The following ADAMTSL1 variants were observed in gnomAD, a reference collection of about 807,000 sequenced individuals.
The protein encoded by ADAMTSL1 is ADAMTS-like protein 1.
Under a neutral mutation model 201.8 loss-of-function variants are expected in ADAMTSL1, and 126 were observed. The ratio of observed to expected loss-of-function variants is 0.62; its 90% CI spans 0.54 to 0.72. The LOEUF is 0.72. ADAMTSL1 is among the 30% of genes least tolerant of loss of function. The pLI, the probability that ADAMTSL1 is intolerant of heterozygous loss-of-function variation, is 0.00. For synonymous variants in ADAMTSL1, 1,121 were observed against 903.4 expected (o/e 1.24, Z -4.32); for missense variants, 2,679 against 2,277.8 (o/e 1.18, Z -3.59).
At position 18,410,097 on chromosome 9, in the gene ADAMTSL1, C is replaced by A. The variant is rs144324485; in HGVS notation, c.208-94732C>A. ...TTATTACATTAAACAAATGTTTAAT[C>A]CTATCCTTAGTTTAAATATTTTATT... On this transcript the variant is annotated intron_variant, in intron 2 of 29. Coordinates refer to the ADAMTSL1 transcript ENST00000680146. Among the ~76,000 whole-genome samples, 539 of 151,854 alleles carry A rather than the reference C, an allele frequency of 3.5e-3. 2 individuals are homozygous for A. Among genetic ancestry groups the A allele is most frequent in the Non-Finnish European group, 4.5e-3 (304 of 67,928 alleles).
At chr9:18,265,388 A>G (rs558239883) in intron 2 of ADAMTSL1, among the ~76,000 whole-genome samples, 1 of 152,062 alleles carries the variant, frequency 6.6e-6, no homozygotes, top group East Asian at 1.9e-4. Context: ...CCTCTTCCTG[A>G]TTTATTTCTG....
At chr9:18,602,707 A>G (rs1314130441) in intron 4 of ADAMTSL1, among the ~76,000 whole-genome samples, 2 of 152,212 alleles carry the variant, frequency 1.3e-5, no homozygotes, top group Non-Finnish European at 2.9e-5. Context: ...CAAATCTGTC[A>G]GACACAGTCA....
chr9:18,378,205 A>G (rs546439450), intron 2 of ADAMTSL1, among the ~76,000 whole-genome samples: 2 of 152,308 alleles, frequency 1.3e-5, no homozygotes, highest in African/African-American at 4.8e-5. Flanking sequence ...GACCTAGGAA[A>G]TAAGGCTTTA....
chr9:18,720,714 C>T (rs957809698), intron 14 of ADAMTSL1, among the ~76,000 whole-genome samples: 3 of 152,140 alleles, frequency 2.0e-5, no homozygotes, highest in African/African-American at 7.2e-5. Flanking sequence ...ACCCGGAAGG[C>T]AGAGGTTGCA....
At chr9:18,031,166 T>C (rs1820936950) in intron 1 of ADAMTSL1, among the ~76,000 whole-genome samples, 1 of 152,180 alleles carries the variant, frequency 6.6e-6, no homozygotes, top group South Asian at 2.1e-4. Flanking sequence ...CTTCAGACAT[T>C]TGAATCTGGC....
At chr9:18,026,980 T>G (rs1159666182) in intron 1 of ADAMTSL1, among the ~76,000 whole-genome samples, 2 of 152,088 alleles carry the variant, frequency 1.3e-5, no homozygotes, top group Non-Finnish European at 2.9e-5. Context: ...CTCTAGATTT[T>G]CTAGTTTGTA....
intron 13 of ADAMTSL1, 61 bp from the exon 14 acceptor site, chr9:18,706,686 C>A (rs538554687): frequency 2.0e-6 from 3 of 1,478,924 alleles, no homozygotes; most frequent in Non-Finnish European, 2.7e-6. Context: ...CCCCTCACAG[C>A]CCCCATGGCT....
At chr9:18,053,158 G>T (rs1040157438) in intron 1 of ADAMTSL1, among the ~76,000 whole-genome samples, 3 of 152,144 alleles carry the variant, frequency 2.0e-5, no homozygotes, top group Non-Finnish European at 2.9e-5. Context: ...AGAACTTTTT[G>T]CCTGAGAATG....
At chr9:18,804,443 T>C (rs1195628089) in intron 20 of ADAMTSL1, among the ~76,000 whole-genome samples, 1 of 152,202 alleles carries the variant, frequency 6.6e-6, no homozygotes, top group Non-Finnish European at 1.5e-5. Flanking sequence ...TAAAAACTCC[T>C]GCACTATAAA....
At chr9:18,549,377 G>T (rs1820660461) in intron 3 of ADAMTSL1, among the ~76,000 whole-genome samples, 1 of 152,012 alleles carries the variant, frequency 6.6e-6, no homozygotes, top group East Asian at 1.9e-4. Context: ...TCAACTTTCA[G>T]TGAAGAGTGT....
chr9:17,909,468 G>A (rs1412388498), intron 1 of ADAMTSL1, among the ~76,000 whole-genome samples: 2 of 120,602 alleles, frequency 1.7e-5, no homozygotes, highest in African/African-American at 2.6e-5. Flanking sequence ...TAACGTTTAA[G>A]TCTTTAATCA....
At chr9:18,801,794 G>A (rs1482947964) in intron 20 of ADAMTSL1, among the ~76,000 whole-genome samples, 4 of 152,176 alleles carry the variant, frequency 2.6e-5, no homozygotes, top group African/African-American at 9.7e-5. Flanking sequence ...TTGGCTCCAT[G>A]TCTTTGCTAT....
intron 4 of ADAMTSL1, among the ~76,000 whole-genome samples, chr9:18,600,423 T>A (rs759831940): frequency 2.0e-5 from 3 of 152,216 alleles, no homozygotes; most frequent in Non-Finnish European, 4.4e-5. Flanking sequence ...CAGATCTGTC[T>A]GACCCTATAG....
intron 1 of ADAMTSL1, among the ~76,000 whole-genome samples, chr9:17,928,735 T>A (rs1037081138): frequency 6.6e-6 from 1 of 152,134 alleles, no homozygotes; most frequent in African/African-American, 2.4e-5. Flanking sequence ...CAGAGCAAGA[T>A]CCTATCTCTA....
chr9:18,892,007 T>G (rs1490714460), intron 25 of ADAMTSL1, among the ~76,000 whole-genome samples: 5 of 152,240 alleles, frequency 3.3e-5, no homozygotes, highest in Non-Finnish European at 5.9e-5. Flanking sequence ...CCACTTCTGG[T>G]GGCCCCAGGT....
intron 1 of ADAMTSL1, among the ~76,000 whole-genome samples, chr9:17,944,521 A>T (rs1827375851): frequency 6.6e-6 from 1 of 151,724 alleles, no homozygotes; most frequent in Non-Finnish European, 1.5e-5. Context: ...ATCCTAAGCC[A>T]AAAGAACAAA....
At chr9:18,082,318 T>C (rs1016957439) in intron 1 of ADAMTSL1, among the ~76,000 whole-genome samples, 1 of 152,168 alleles carries the variant, frequency 6.6e-6, no homozygotes, top group Non-Finnish European at 1.5e-5. Flanking sequence ...CTGACCTAGA[T>C]AGATTAAACG....
At chr9:18,807,862 T>G (rs537824031) in intron 20 of ADAMTSL1, among the ~76,000 whole-genome samples, 1 of 152,310 alleles carries the variant, frequency 6.6e-6, no homozygotes, top group African/African-American at 2.4e-5. Context: ...ATCTATGTTT[T>G]TTTCTCCTTA....
In ADAMTSL1 at chr9:18,490,000, C is replaced by T. The variant is rs564166600; in HGVS notation, c.64-14829C>T. Among the ~76,000 whole-genome samples, 7 of 152,298 alleles carry T rather than the reference C, an allele frequency of 4.6e-5. No homozygotes were observed. The South Asian group carries it at 1.2e-3, about 27-fold the overall frequency. On this transcript the variant is annotated intron_variant, in intron 1 of 28. Transcript: ENST00000380548. ...GTAAGTACTTTGAAAACTGTAAAAC[C>T]TTAGTCATCTCGTGCTCAAAAGCCT...
Sources: gnomAD v4.1 joint callset for allele counts (sites outside exome capture counted in the v4.1 genomes callset) on GRCh38, gnomAD v4.1.1 for gene constraint, MANE v1.5 for transcripts, NCBI Gene and HGNC (gene_info 2026-07-23, HGNC 2026-07-21) for gene names.